SIRT5: variants seen among roughly 807,000 people sequenced by gnomAD.
SIRT5 encodes the protein NAD-dependent protein deacylase sirtuin-5, mitochondrial.
In SIRT5, 26 loss-of-function variants were observed where a neutral mutation model predicts 40.0. The observed-to-expected ratio is 0.65, with a 90% CI of 0.48 to 0.90. The LOEUF (loss-of-function observed/expected upper bound fraction) is 0.90, where lower values mean the gene tolerates loss of function less well. Ranked by LOEUF, SIRT5 falls within the 40% of genes least tolerant of loss-of-function variation. The pLI, the probability that SIRT5 is intolerant of heterozygous loss-of-function variation, is 0.00. For missense variants in SIRT5, 401 were observed against 402.4 expected (o/e 1.00, Z 0.03); for synonymous variants, 146 against 149.1 (o/e 0.98, Z 0.15).
intron 9 of SIRT5, chr6:13,604,906 C>G: frequency 9.9e-7 from 1 of 1,006,508 alleles, no homozygotes; most frequent in Non-Finnish European, 1.2e-6. Flanking sequence ...TGGCAAGCTA[C>G]TTATCAACCA....
chr6:13,601,756 C>T (rs553663538), intron 9 of SIRT5, among the ~76,000 whole-genome samples: 228 of 151,778 alleles, frequency 1.5e-3, no homozygotes, highest in Non-Finnish European at 2.4e-3. Flanking sequence ...GCAGCCCAGA[C>T]ATCATCATTT....
Position 13,597,038 on chromosome 6 carries a change from G to A in SIRT5, c.617+22G>A, listed in dbSNP as rs200234958. 222 of 1,578,236 alleles carry A rather than the reference G, an allele frequency of 1.4e-4. No individual in the cohort carries two copies. The South Asian group carries it at 2.5e-3, about 18-fold the overall frequency. Reference sequence around the variant, plus strand: ...CCCGGTAGGTAGAAAACTCTGATTTGTACTGGTGTTCCAGGTTACCAAAAC... The same window carrying A: ...CCCGGTAGGTAGAAAACTCTGATTTATACTGGTGTTCCAGGTTACCAAAAC... On this transcript the variant is annotated intron_variant, in intron 7 of 9. Transcript: ENST00000606117.
chr6:13,588,500 C>T lies in SIRT5; in HGVS notation c.249+36C>T, dbSNP rs139462803. 4.5e-4 allele frequency: 714 copies of T among 1,598,914 alleles called. No individual in the cohort carries two copies. In the African/African-American group the frequency reaches 8.0e-3, roughly 18 times the overall value. Reference sequence around the variant, plus strand: ...TTTCCAGAACATTAAAAGCCTCTGTCGAATGAAACCATAACAGAGTTTGAC... The same window carrying T: ...TTTCCAGAACATTAAAAGCCTCTGTTGAATGAAACCATAACAGAGTTTGAC... On this transcript the variant is annotated intron_variant, in intron 4 of 9. Transcript: ENST00000606117.
At chr6:13,591,241 A>G (rs1326048961) in intron 4 of SIRT5, among the ~76,000 whole-genome samples, 1 of 152,224 alleles carries the variant, frequency 6.6e-6, no homozygotes, top group African/African-American at 2.4e-5. Context: ...CATGGTCATT[A>G]GAGCTCAATG....
At chr6:13,603,044 G>A (rs1174062075) in intron 9 of SIRT5, among the ~76,000 whole-genome samples, 4 of 152,234 alleles carry the variant, frequency 2.6e-5, no homozygotes, top group African/African-American at 9.6e-5. Flanking sequence ...TTGGGAGGCC[G>A]AGGCAGGTGG....
chr6:13,588,304 G>A, intron 3 of SIRT5, 27 bp from the exon 4 acceptor site: 1 of 1,608,740 alleles, frequency 6.2e-7, no homozygotes, highest in Non-Finnish European at 8.5e-7. Context: ...CTGTACACTG[G>A]ATTGATAAAG....
intron 4 of SIRT5, among the ~76,000 whole-genome samples, chr6:13,590,793 ATGTAGTTGTGTGTGTG>A (rs1015116869): frequency 1.8e-4 from 26 of 148,294 alleles, no homozygotes; most frequent in Admixed American, 5.3e-4. Flanking sequence ...AGTTGTGTGT[ATGTAGTTGTGTGTGTG>A]TGTAGTTGTG....
chr6:13,591,486 G>A (rs975910763), intron 4 of SIRT5, among the ~76,000 whole-genome samples, 183 bp from the exon 5 acceptor site: 3 of 152,234 alleles, frequency 2.0e-5, no homozygotes, highest in African/African-American at 7.2e-5. Context: ...GGATGGGGAC[G>A]TAGGCTGGTA....
At chr6:13,605,860 C>T (rs1584861139) in intron 9 of SIRT5, 1 of 978,630 alleles carries the variant, frequency 1.0e-6, no homozygotes, top group South Asian at 4.7e-5. Flanking sequence ...TTCAAAGCAC[C>T]TTTGGCCCAC....
At chr6:13,602,538 C>T (rs1762533956) in intron 9 of SIRT5, among the ~76,000 whole-genome samples, 1 of 150,264 alleles carries the variant, frequency 6.7e-6, no homozygotes, top group African/African-American at 2.4e-5. Context: ...TTGCAGTAAT[C>T]AAGACAGTGT....
intron 9 of SIRT5, among the ~76,000 whole-genome samples, chr6:13,603,668 G>C (rs1483509950): frequency 6.6e-6 from 1 of 152,132 alleles, no homozygotes; most frequent in Non-Finnish European, 1.5e-5. Flanking sequence ...TAAATATAGG[G>C]TTACTATATG....
intron 9 of SIRT5, among the ~76,000 whole-genome samples, chr6:13,601,224 A>C (rs1762341548): frequency 6.6e-6 from 1 of 152,120 alleles, no homozygotes; most frequent in Non-Finnish European, 1.5e-5. Context: ...TTTCCCTTAC[A>C]TTTTTAAGCT....
At position 13,612,502 on chromosome 6, in the gene SIRT5, A is replaced by G. The variant is rs1023162827; in HGVS notation, c.*637A>G. On this transcript the variant is annotated 3_prime_UTR_variant, in exon 10 of 10. Coordinates refer to ENST00000606117, the MANE Select transcript of SIRT5 (RefSeq NM_012241.5). ...ATTACAGGTATGTACCACCACACCC[A>G]GCTAATTTTGTATTTTTAGTAGAGA... 5 of 152,068 alleles carry G rather than the reference A, an allele frequency of 3.3e-5. No individual in the cohort carries two copies. The highest frequency in any genetic ancestry group is 6.6e-5 in the Admixed American group (1 of 15,256). The allele number at this position is 152,068 out of a possible 1,614,324, so 9.4% of individuals were successfully genotyped here.
intron 9 of SIRT5, chr6:13,605,527 G>A: frequency 1.0e-6 from 1 of 985,428 alleles, no homozygotes; most frequent in Non-Finnish European, 1.2e-6. Context: ...AGACACCTTA[G>A]GCCTTACACA....
At position 13,591,503 on chromosome 6, in the gene SIRT5, C is replaced by A. The variant is rs921245220; in HGVS notation, c.250-166C>A. 1.3e-5 allele frequency among the ~76,000 whole-genome samples: 2 copies of A among 152,356 alleles called. 1 individual carries two copies. The highest frequency in any genetic ancestry group is 6.8e-3 in the Middle Eastern group (2 of 294). The stretch of plus-strand genomic sequence containing the variant: ...ATGGGGACGTAGGCTGGTACCCAGA[C>A]CCTGCCTGGCATCTGCCATGTTGTT... On this transcript the variant is annotated intron_variant, in intron 4 of 9. Transcript: ENST00000606117.
chr6:13,593,249 G>A lies in SIRT5; in HGVS notation c.475+1355G>A, dbSNP rs1393127897. Among the ~76,000 whole-genome samples, 3 of 152,158 alleles carry A rather than the reference G, an allele frequency of 2.0e-5. No homozygotes were observed. The East Asian group carries it at 5.8e-4, about 29-fold the overall frequency. ...TAAGTGTAGCATTTCCAGAAGCAGT[G>A]CACCAGTCGGGGGTGTTTGTTTTTG... On this transcript the variant is annotated intron_variant, in intron 5 of 9. Coordinates refer to ENST00000606117, the MANE Select transcript of SIRT5 (RefSeq NM_012241.5).
chr6:13,586,400 C>A (rs542394754), intron 3 of SIRT5, among the ~76,000 whole-genome samples: 61 of 152,074 alleles, frequency 4.0e-4, no homozygotes, highest in Non-Finnish European at 7.5e-4. Context: ...GTCTTTAATC[C>A]ATCTTGAGTT....
chr6:13,581,478 C>G (rs1759339450), intron 2 of SIRT5, among the ~76,000 whole-genome samples: 1 of 152,158 alleles, frequency 6.6e-6, no homozygotes, highest in Admixed American at 6.5e-5. Context: ...GTCGCCATGT[C>G]TTATTACTGG....
chr6:13,590,319 C>CTCGGCTCCTTTACCA (rs1188760460), intron 4 of SIRT5, among the ~76,000 whole-genome samples: 2 of 152,198 alleles, frequency 1.3e-5, no homozygotes, highest in Non-Finnish European at 2.9e-5. Flanking sequence ...ACAACCCCTA[C>CTCGGCTCCTTTACCA]TCGGCTCCTT....
Sources: allele counts gnomAD v4.1 joint callset (sites outside exome capture counted in the v4.1 genomes callset), GRCh38; gene constraint gnomAD v4.1.1; transcripts MANE v1.5; gene names NCBI Gene and HGNC (gene_info 2026-07-23, HGNC 2026-07-21).